The following TRPM5 variants were observed in gnomAD, a reference collection of about 807,000 sequenced individuals.
The protein encoded by TRPM5 is transient receptor potential cation channel subfamily M member 5.
In TRPM5, 121 loss-of-function variants were observed where a neutral mutation model predicts 124.9. The observed-to-expected ratio is 0.97, with a 90% CI of 0.84 to 1.13. The LOEUF (loss-of-function observed/expected upper bound fraction) is 1.13. Ranked by LOEUF, TRPM5 falls within the 50% of genes most tolerant of loss-of-function variation. The pLI is 0.00. For synonymous variants in TRPM5, 781 were observed against 700.5 expected, an observed-to-expected ratio of 1.11 and a Z score of -1.81; for missense variants, 1,643 against 1,589.1, an observed-to-expected ratio of 1.03 and a Z score of -0.58.
the TRPM5 span, among the ~76,000 whole-genome samples, chr11:2,444,328 C>G: frequency 6.6e-6 from 1 of 151,902 alleles, no homozygotes; most frequent in African/African-American, 2.4e-5. Flanking sequence ...CCAACCCCAA[C>G]TCCGGAGTGG....
intron 2 of TRPM5, among the ~76,000 whole-genome samples, 185 bp downstream of exon 7, chr11:2,421,956 T>C (rs1018145780): frequency 2.5e-4 from 31 of 123,982 alleles, no homozygotes; most frequent in African/African-American, 8.8e-4. Flanking sequence ...CGTGATGGCC[T>C]GGAGAGTCAG....
chr11:2,417,512 G>C (rs1482566746), intron 7 of TRPM5, among the ~76,000 whole-genome samples: 1 of 152,206 alleles, frequency 6.6e-6, no homozygotes, highest in Non-Finnish European at 1.5e-5. Flanking sequence ...AAATACCACT[G>C]AATTGAGAGC....
In TRPM5 at chr11:2,414,570, C is replaced by T. The variant is rs1476991022; in HGVS notation, c.1744+145G>A. ...CTCCACCCCAGGCAGAGCCGTCTGTCCTCTCCTATGGAGGAGGCCCCTGAG... is the reference window on the plus strand; with the variant it reads ...CTCCACCCCAGGCAGAGCCGTCTGTTCTCTCCTATGGAGGAGGCCCCTGAG... On this transcript the variant is annotated intron_variant, in intron 11 of 23. Transcript: ENST00000155858. 3.3e-6 allele frequency: 4 copies of T among 1,213,156 alleles called. No individual in the cohort carries two copies. In the African/African-American group the frequency reaches 4.6e-5, roughly 14 times the overall value. 75.1% of individuals were successfully genotyped at this position (1,213,156 alleles called of 1,614,324 possible).
At chr11:2,438,467 C>G in the TRPM5 span, among the ~76,000 whole-genome samples, 2 of 152,124 alleles carry the variant, frequency 1.3e-5, no homozygotes, top group Non-Finnish European at 2.9e-5. The surrounding 1 kb of genome is among the most constrained non-coding windows in gnomAD (Gnocchi z 5.9). Flanking sequence ...GAGTTCGAGA[C>G]CAGCCTGGCC....
At chr11:2,416,505 C>T (rs1437231120) in intron 7 of TRPM5, among the ~76,000 whole-genome samples, 2 of 152,222 alleles carry the variant, frequency 1.3e-5, no homozygotes, top group South Asian at 2.1e-4. Context: ...TCACCAGACT[C>T]GCACGTGAGG....
chr11:2,414,679 C>CA (rs1565010595), intron 11 of TRPM5, 36 bp downstream of exon 16: 9 of 1,435,752 alleles, frequency 6.3e-6, no homozygotes, highest in African/African-American at 5.0e-5. Context: ...CATCCTCCCC[C>CA]GCGCGCGGGC....
At chr11:2,426,550 G>A (rs1237119484), upstream of TRPM5, among the ~76,000 whole-genome samples, 3 of 152,082 alleles carry the variant, frequency 2.0e-5, no homozygotes, top group South Asian at 2.1e-4. Flanking sequence ...CCCCCCAGAC[G>A]GTGAAGGCGC....
At chr11:2,410,713 G>A (rs1452913991) in intron 18 of TRPM5, 1 of 455,284 alleles carries the variant, frequency 2.2e-6, no homozygotes, top group South Asian at 1.6e-5. Flanking sequence ...GCCTCCACCA[G>A]CCCCAGCCAG....
At chr11:2,429,039 A>G in the TRPM5 span, among the ~76,000 whole-genome samples, 1 of 140,498 alleles carries the variant, frequency 7.1e-6, no homozygotes, top group Non-Finnish European at 1.6e-5. This position sits in a 1 kb window ranked among gnomAD's most constrained non-coding sequence, Gnocchi z 8.4. Context: ...TGATGGTGAT[A>G]GTGTTGGTAC....
At chr11:2,414,009 G>GGGGGGGGC in intron 12 of TRPM5, 52 bp downstream of exon 17, 3 of 1,023,732 alleles carry the variant, frequency 2.9e-6, no homozygotes, top group Non-Finnish European at 4.3e-6. Context: ...GGCCCAGCTC[G>GGGGGGGGC]CCCGCCCACC....
chr11:2,430,071 C>T, the TRPM5 span, among the ~76,000 whole-genome samples: 1 of 152,076 alleles, frequency 6.6e-6, no homozygotes, highest in African/African-American at 2.4e-5. Context: ...TGCAGAAGTT[C>T]TTCCCCAGCC....
chr11:2,438,545 T>C, the TRPM5 span, among the ~76,000 whole-genome samples: 2 of 152,256 alleles, frequency 1.3e-5, no homozygotes, highest in Non-Finnish European at 2.9e-5. The surrounding 1 kb of genome is among the most constrained non-coding windows in gnomAD (Gnocchi z 5.9). Flanking sequence ...CATATGCCTG[T>C]AGTCCTAGCT....
chr11:2,416,916 T>C (rs1371105076), intron 7 of TRPM5, among the ~76,000 whole-genome samples: 1 of 152,176 alleles, frequency 6.6e-6, no homozygotes, highest in African/African-American at 2.4e-5. Flanking sequence ...ACAAAAGGAA[T>C]GAAGCATGGA....
At chr11:2,414,009 G>GGGGGGGGCCCCCCC in intron 12 of TRPM5, 52 bp downstream of exon 17, 3 of 1,023,726 alleles carry the variant, frequency 2.9e-6, no homozygotes, top group Non-Finnish European at 4.3e-6. Flanking sequence ...GGCCCAGCTC[G>GGGGGGGGCCCCCCC]CCCGCCCACC....
At chr11:2,404,896 A>T in exon 24 of TRPM5, 1 of 1,550,756 alleles carries the variant, frequency 6.4e-7, no homozygotes. Context: ...CAGGGTGGCC[A>T]GCTGAGGAGA....
chr11:2,420,862 C>T (rs557646054), intron 3 of TRPM5, among the ~76,000 whole-genome samples, 170 bp downstream of exon 8: 6 of 152,312 alleles, frequency 3.9e-5, no homozygotes, highest in East Asian at 1.9e-4. Flanking sequence ...CTACGCTGGC[C>T]GTTCCCTATG....
chr11:2,408,174 G>A (rs1456225687), intron 18 of TRPM5, among the ~76,000 whole-genome samples: 1 of 152,186 alleles, frequency 6.6e-6, no homozygotes, highest in African/African-American at 2.4e-5. Flanking sequence ...ACCAGGGGCT[G>A]GAGTCAGCCA....
Position 2,414,701 on chromosome 11 carries a change from C to A in TRPM5, c.1744+14G>T. The A allele has an allele frequency of 1.3e-6, 2 of 1,526,144 alleles. No individual in the cohort carries two copies. The highest frequency in any genetic ancestry group is 1.8e-6 in the Non-Finnish European group (2 of 1,136,604). 94.5% of individuals were successfully genotyped at this position (1,526,144 alleles called of 1,614,324 possible). A position where few individuals can be genotyped will look rare whatever the true frequency, so the allele number is the denominator to read the frequency against. ...CCCCGCGCGCGGGCCCGGCCCCAGC[C>A]GCCGGTCACTCACCAAGGGCCAGCC... On this transcript the variant is annotated intron_variant, in intron 11 of 23. Transcript: ENST00000155858.
intron 20 of TRPM5, 136 bp from the exon 26 acceptor site, chr11:2,406,929 G>T: frequency 7.1e-7 from 1 of 1,401,806 alleles, no homozygotes; most frequent in South Asian, 1.4e-5. Flanking sequence ...GGCAAGCATG[G>T]CCCTGTGCAA....
Sources: allele counts gnomAD v4.1 joint callset (sites outside exome capture counted in the v4.1 genomes callset), GRCh38; gene constraint gnomAD v4.1.1; non-coding constraint Gnocchi (gnomAD v3.1); transcripts MANE v1.5; gene names NCBI Gene and HGNC (gene_info 2026-07-23, HGNC 2026-07-21).